Variants in ZC3H12B observed in about 807,000 individuals in gnomAD.
ZC3H12B encodes the protein zinc finger CCCH-type containing 12B, also known as probable ribonuclease ZC3H12B.
In ZC3H12B, 7 loss-of-function variants were observed where a neutral mutation model predicts 43.9. That is an observed-to-expected ratio of 0.16 (90% CI 0.09 to 0.30). The LOEUF is 0.30. Ranked by LOEUF, ZC3H12B falls within the 10% of genes least tolerant of loss-of-function variation. ZC3H12B has a pLI of 1.00. For synonymous variants in ZC3H12B, 222 were observed against 241.7 expected, an observed-to-expected ratio of 0.92 and a Z score of 0.76; for missense variants, 475 against 670.2, an observed-to-expected ratio of 0.71 and a Z score of 3.22.
the ZC3H12B span, among the ~76,000 whole-genome samples, chrX:65,206,926 C>A: frequency 9.1e-6 from 1 of 109,771 alleles, no homozygotes; most frequent in African/African-American, 3.3e-5. Context: ...CACTAATTAT[C>A]AGGGAAATGC....
At chrX:65,136,507 T>C in the ZC3H12B span, among the ~76,000 whole-genome samples, 1 of 111,423 alleles carries the variant, frequency 9.0e-6, no homozygotes, top group Non-Finnish European at 1.9e-5. Context: ...AATTTTTGCT[T>C]GCATGGTTTG....
At chrX:65,467,052 C>T (rs2067834382) in intron 3 of ZC3H12B, among the ~76,000 whole-genome samples, 2 of 98,057 alleles carry the variant, frequency 2.0e-5, no homozygotes, top group Admixed American at 2.3e-4. Flanking sequence ...GCACCCATCA[C>T]TAGAGTATGG....
the ZC3H12B span, among the ~76,000 whole-genome samples, chrX:65,244,356 C>T: frequency 1.8e-5 from 2 of 109,994 alleles, no homozygotes; most frequent in Non-Finnish European, 3.8e-5. Context: ...TGAGAATTAC[C>T]GAAACATAAC....
the ZC3H12B span, among the ~76,000 whole-genome samples, chrX:65,106,549 G>A: frequency 1.8e-5 from 2 of 111,281 alleles, no homozygotes; most frequent in African/African-American, 6.5e-5. Context: ...GCCTAAAATC[G>A]AGTATAGGTA....
chrX:65,451,618 G>A (rs2067514054), intron 3 of ZC3H12B, among the ~76,000 whole-genome samples: 1 of 111,589 alleles, frequency 9.0e-6, no homozygotes. Context: ...TGTATTACAG[G>A]CATCAGCCAC....
At chrX:65,380,453 G>A (rs889385896) in intron 2 of ZC3H12B, among the ~76,000 whole-genome samples, 2 of 111,411 alleles carry the variant, frequency 1.8e-5, no homozygotes, top group African/African-American at 6.5e-5. Flanking sequence ...AGCTCCTGAA[G>A]GAAGCGCTAA....
At chrX:65,215,993 C>A in the ZC3H12B span, among the ~76,000 whole-genome samples, 3 of 111,693 alleles carry the variant, frequency 2.7e-5, no homozygotes, top group South Asian at 7.6e-4. Context: ...AAGTTTGCCA[C>A]ATATGGGTGT....
At chrX:65,335,480 A>G in the ZC3H12B span, among the ~76,000 whole-genome samples, 15 of 112,218 alleles carry the variant, frequency 1.3e-4, no homozygotes, top group African/African-American at 4.9e-4. Flanking sequence ...CCACGAGTGT[A>G]CAAGGTATTT....
intron 2 of ZC3H12B, among the ~76,000 whole-genome samples, chrX:65,392,954 G>A (rs181996898): frequency 6.4e-4 from 72 of 112,013 alleles, no homozygotes; most frequent in African/African-American, 2.2e-3. Flanking sequence ...CCCCAACCCC[G>A]TGCTCTCTGA....
At chrX:65,112,492 T>C in the ZC3H12B span, among the ~76,000 whole-genome samples, 1 of 112,195 alleles carries the variant, frequency 8.9e-6, no homozygotes, top group East Asian at 2.8e-4. Context: ...AGTCAATGTC[T>C]GGCTTCAAAG....
At chrX:65,140,656 C>T in the ZC3H12B span, among the ~76,000 whole-genome samples, 1 of 112,106 alleles carries the variant, frequency 8.9e-6, no homozygotes, top group Non-Finnish European at 1.9e-5. Context: ...ATTAGTTTCT[C>T]TCTAAATATC....
intron 3 of ZC3H12B, among the ~76,000 whole-genome samples, chrX:65,431,845 A>G (rs994371715): frequency 1.8e-5 from 2 of 112,245 alleles, no homozygotes; most frequent in African/African-American, 6.5e-5. Context: ...AATTAACAAC[A>G]AAGTACAGTG....
At chrX:65,105,965 CTTA>C in the ZC3H12B span, among the ~76,000 whole-genome samples, 9 of 111,639 alleles carry the variant, frequency 8.1e-5, no homozygotes, top group South Asian at 1.1e-3. Context: ...GCATTTTATT[CTTA>C]TTATGTGCAG....
chrX:65,332,087 C>G, the ZC3H12B span, among the ~76,000 whole-genome samples: 1 of 110,781 alleles, frequency 9.0e-6, no homozygotes, highest in African/African-American at 3.3e-5. Flanking sequence ...AGGTCTCAGC[C>G]TTATTTTACC....
At chrX:65,463,598 C>A (rs1406798947) in intron 3 of ZC3H12B, among the ~76,000 whole-genome samples, 1 of 110,762 alleles carries the variant, frequency 9.0e-6, no homozygotes, top group Non-Finnish European at 1.9e-5. Context: ...AGAGAGAATC[C>A]CTTCCTTGCC....
chrX:65,257,927 A>T, the ZC3H12B span, among the ~76,000 whole-genome samples: 2 of 111,368 alleles, frequency 1.8e-5, no homozygotes, highest in African/African-American at 3.3e-5. Context: ...GAGCAGGCAA[A>T]TTCACAGCTG....
At chrX:65,429,935 C>T (rs1474583819) in intron 3 of ZC3H12B, among the ~76,000 whole-genome samples, 2 of 112,245 alleles carry the variant, frequency 1.8e-5, no homozygotes, top group Non-Finnish European at 3.8e-5. Flanking sequence ...GCCACCTCTC[C>T]CACCAGGAGC....
exon 5 of ZC3H12B, chrX:65,502,765 C>G: frequency 8.3e-7 from 1 of 1,210,129 alleles, no homozygotes; most frequent in Non-Finnish European, 1.1e-6. Flanking sequence ...CTGGGGCAAC[C>G]CCCCAGCCAG....
At chrX:65,473,865 T>A (rs905565566) in intron 3 of ZC3H12B, among the ~76,000 whole-genome samples, 1 of 112,340 alleles carries the variant, frequency 8.9e-6, no homozygotes, top group Admixed American at 9.5e-5. Flanking sequence ...ATTAAATTTG[T>A]TAAGGCTTGT....
Sources: gnomAD v4.1 joint callset for allele counts (sites outside exome capture counted in the v4.1 genomes callset) on GRCh38, gnomAD v4.1.1 for gene constraint, MANE v1.5 for transcripts, NCBI Gene and HGNC (gene_info 2026-07-23, HGNC 2026-07-21) for gene names.